Variants in RASGRP3 observed in about 807,000 individuals in gnomAD.
RASGRP3 encodes RAS guanyl releasing protein 3.
A neutral mutation model predicts 82.7 loss-of-function variants in RASGRP3; 54 were observed. The ratio of observed to expected loss-of-function variants is 0.65; its 90% CI spans 0.52 to 0.82. The LOEUF is 0.82. Ranked by LOEUF, RASGRP3 falls within the 40% of genes least tolerant of loss-of-function variation. RASGRP3 has a pLI of 0.00. For synonymous variants in RASGRP3, 309 were observed against 300.5 expected (o/e 1.03, Z -0.29); for missense variants, 861 against 828.9 (o/e 1.04, Z -0.48).
chr2:33,526,959 G>A (rs1310785102), intron 9 of RASGRP3, among the ~76,000 whole-genome samples, 178 bp from the exon 10 acceptor site: 1 of 152,110 alleles, frequency 6.6e-6, no homozygotes, highest in African/African-American at 2.4e-5. Context: ...TCAATGCATA[G>A]CCAGGCCTAG....
intron 1 of RASGRP3, among the ~76,000 whole-genome samples, chr2:33,440,050 G>A (rs1665143425): frequency 2.0e-5 from 3 of 152,124 alleles, no homozygotes; most frequent in Admixed American, 1.3e-4. Context: ...ATGTTTTATG[G>A]CTCCATTCAA....
At chr2:33,449,210 A>G (rs572873627) in intron 2 of RASGRP3, among the ~76,000 whole-genome samples, 204 of 152,362 alleles carry the variant, frequency 1.3e-3, no homozygotes, top group African/African-American at 4.6e-3. Flanking sequence ...TGCATGACAC[A>G]TACCAACTTC....
rs1471215091 is a variant in RASGRP3 at position 33,527,320 on chromosome 2, C to T, written c.991C>T (p.His331Tyr). 2.5e-6 allele frequency: 4 copies of T among 1,613,838 alleles called. No homozygotes were observed. The highest frequency in any genetic ancestry group is 3.4e-6 in the Non-Finnish European group (4 of 1,179,728). Residue 331 changes from histidine (H) to tyrosine (Y), a missense_variant, in exon 10 of 18, where the codon CAC becomes TAC. By Grantham distance (83) the His-to-Tyr change is moderately conservative. Transcript: ENST00000403687. ...GAACAAAGTGAACATTGTGAAAATG[C>T]ACCAGCTCTCCGTTACCCTGAGTGA... Reference protein sequence around the residue: ...EENKVNIVKMHQLSVTLSELV... With the variant: ...EENKVNIVKMYQLSVTLSELV...
chr2:33,499,142 TTCC>T (rs1413138129), intron 1 of RASGRP3, among the ~76,000 whole-genome samples: 1 of 152,116 alleles, frequency 6.6e-6, no homozygotes, highest in African/African-American at 2.4e-5. Flanking sequence ...CTGACCTCTG[TTCC>T]TCTCCTAAGA....
rs758325727 is a variant in RASGRP3 at position 33,447,944 on chromosome 2, G to C, written c.-261+1G>C. 2 of 152,198 alleles carry C rather than the reference G, an allele frequency of 1.3e-5. No individual in the cohort carries two copies. The highest frequency in any genetic ancestry group is 2.9e-5 in the Non-Finnish European group (2 of 68,050). 9.4% of individuals were successfully genotyped at this position (152,198 alleles called of 1,614,324 possible). On this transcript the variant is annotated splice_donor_variant, in intron 2 of 18. Coordinates refer to the RASGRP3 transcript ENST00000402538. LOFTEE classifies it low-confidence loss of function (5UTR_SPLICE). Reference sequence around the variant, plus strand: ...TCTGATTTCACTGCCAAGATTCTCAGTGAGTATTCCATCACATACCACCTT... The same window carrying C: ...TCTGATTTCACTGCCAAGATTCTCACTGAGTATTCCATCACATACCACCTT...
rs758871472 is a variant in RASGRP3, at chr2:33,543,498, T to C, written c.1279-14T>C. On this transcript the variant is annotated splice_polypyrimidine_tract_variant and intron_variant, in intron 12 of 17. Coordinates refer to ENST00000403687, the MANE Select transcript of RASGRP3 (RefSeq NM_001139488.2). ...CTTATAGTCATTCAATAAATACTTA[T>C]CTTTCCTTTGCAGTCTGTATTTAGA... The C allele has an allele frequency of 6.6e-6, 10 of 1,504,882 alleles. No homozygotes were observed. Among genetic ancestry groups the C allele is most frequent in the African/African-American group, 1.4e-5 (1 of 72,572 alleles). 93.2% of individuals were successfully genotyped at this position (1,504,882 alleles called of 1,614,324 possible).
At chr2:33,515,347 C>A in intron 3 of RASGRP3, 141 bp downstream of exon 3, 1 of 774,250 alleles carries the variant, frequency 1.3e-6, no homozygotes, top group Non-Finnish European at 2.1e-6. Context: ...CCGGGTCTGT[C>A]TCTCCAGTTT....
chr2:33,439,069 G>T (rs1420856094), intron 1 of RASGRP3, among the ~76,000 whole-genome samples: 1 of 152,118 alleles, frequency 6.6e-6, no homozygotes, highest in Non-Finnish European at 1.5e-5. Context: ...GTATTTACAG[G>T]CACCTTAAAT....
intron 2 of RASGRP3, among the ~76,000 whole-genome samples, chr2:33,463,819 C>T (rs1302664835): frequency 1.3e-5 from 2 of 151,814 alleles, no homozygotes; most frequent in African/African-American, 4.8e-5. Flanking sequence ...CCAGGCTGGT[C>T]TTGAACTCCT....
At chr2:33,484,332 C>G (rs1417335085) in intron 1 of RASGRP3, among the ~76,000 whole-genome samples, 1 of 152,172 alleles carries the variant, frequency 6.6e-6, no homozygotes, top group Non-Finnish European at 1.5e-5. Flanking sequence ...ATAAACTACT[C>G]AAGAATTTTA....
Position 33,549,826 on chromosome 2 carries a change from C to T in RASGRP3, c.1542+75C>T, listed in dbSNP as rs982818191. ...ATTCTGAAAAAGTAGGAAAATGATA[C>T]ACTAAATAAAGTTCACTGTCTGCTT... is the stretch of plus-strand genomic sequence containing the variant. On this transcript the variant is annotated intron_variant, in intron 14 of 17. Transcript: ENST00000403687. 6.1e-6 allele frequency: 9 copies of T among 1,479,582 alleles called. No homozygotes were observed. The African/African-American group carries it at 7.0e-5, about 12-fold the overall frequency. 91.7% of individuals were successfully genotyped at this position (1,479,582 alleles called of 1,614,324 possible).
intron 14 of RASGRP3, among the ~76,000 whole-genome samples, chr2:33,552,957 A>T (rs1675515069): frequency 6.6e-6 from 1 of 152,188 alleles, no homozygotes; most frequent in Non-Finnish European, 1.5e-5. Context: ...ACCCATCCAC[A>T]TGAGTTCATC....
chr2:33,483,204 A>G (rs1011840989), intron 1 of RASGRP3, among the ~76,000 whole-genome samples: 1 of 152,144 alleles, frequency 6.6e-6, no homozygotes, highest in Non-Finnish European at 1.5e-5. Context: ...TTAAGTTTCT[A>G]TTTGAATAGA....
chr2:33,471,963 A>G (rs1304259984), upstream of RASGRP3, among the ~76,000 whole-genome samples: 1 of 152,070 alleles, frequency 6.6e-6, no homozygotes, highest in Non-Finnish European at 1.5e-5. Context: ...ACACTTTTGT[A>G]ATTAATGTAT....
chr2:33,498,038 CCTTT>C (rs1156986993), intron 1 of RASGRP3, among the ~76,000 whole-genome samples: 1 of 148,210 alleles, frequency 6.7e-6, no homozygotes, highest in African/African-American at 2.5e-5. Flanking sequence ...CTCTTTCTTT[CCTTT>C]CTTTGCAAAA....
intron 17 of RASGRP3, among the ~76,000 whole-genome samples, chr2:33,561,107 C>A (rs1273314596): frequency 1.3e-5 from 2 of 151,628 alleles, no homozygotes; most frequent in Non-Finnish European, 2.9e-5. Flanking sequence ...CACTCTGTCA[C>A]CCAGGGTGGA....
At chr2:33,453,768 A>C (rs1207958391) in intron 2 of RASGRP3, among the ~76,000 whole-genome samples, 1 of 152,234 alleles carries the variant, frequency 6.6e-6, no homozygotes, top group Admixed American at 6.5e-5. Context: ...ATATGCCAAA[A>C]TAATGTTATA....
At chr2:33,516,684 T>G (rs1671500080) in intron 4 of RASGRP3, 40 bp downstream of exon 4, 2 of 1,336,934 alleles carry the variant, frequency 1.5e-6, no homozygotes, top group South Asian at 2.5e-5. Context: ...CAATCATAAA[T>G]CAAGCTCTGT....
At chr2:33,508,130 G>A (rs763199654) in intron 1 of RASGRP3, among the ~76,000 whole-genome samples, 10 of 152,182 alleles carry the variant, frequency 6.6e-5, no homozygotes, top group Admixed American at 2.0e-4. Flanking sequence ...ATTCCCCTGC[G>A]ATTGAGAAAT....
Sources: gnomAD v4.1 joint callset for allele counts (sites outside exome capture counted in the v4.1 genomes callset) on GRCh38, gnomAD v4.1.1 for gene constraint, MANE v1.5 for transcripts, NCBI Gene and HGNC (gene_info 2026-07-23, HGNC 2026-07-21) for gene names.